Variants in ALG3 observed in about 807,000 individuals in gnomAD.
The protein encoded by ALG3 is ALG3 alpha-1,3- mannosyltransferase, also known as dol-P-Man:Man(5)GlcNAc(2)-PP-Dol alpha-1,3-mannosyltransferase.
In ALG3, 39 loss-of-function variants were observed where a neutral mutation model predicts 50.5. The observed-to-expected ratio is 0.77, with a 90% CI of 0.60 to 1.01. The LOEUF (loss-of-function observed/expected upper bound fraction) is 1.01. ALG3 is among the 50% of genes least tolerant of loss of function. ALG3 has a pLI of 0.00. For missense variants in ALG3, 520 were observed against 554.8 expected (o/e 0.94, Z 0.63); for synonymous variants, 252 against 237.2 (o/e 1.06, Z -0.58).
chr3:184,248,710 C>CCGA, intron 1 of ALG3, 35 bp downstream of exon 1: 2 of 1,396,672 alleles, frequency 1.4e-6, no homozygotes, highest in African/African-American at 1.4e-5. Flanking sequence ...TTCAGGTCTC[C>CCGA]CTCCCTCCCC....
chr3:184,243,992 A>G lies in ALG3; in HGVS notation c.731T>C (p.Val244Ala). 4.3e-6 allele frequency: 7 copies of G among 1,612,712 alleles called. No homozygotes were observed. The highest frequency in any genetic ancestry group is 5.1e-6 in the Non-Finnish European group (6 of 1,179,624). ...KLGICAGLQV[V>A]LGLPFLLENP... ...CTCCAGCAGGAAGGGCAGCCCCAGC[A>G]CCACCTGAGGATTGGTGTGATGTCA... is the stretch of plus-strand genomic sequence containing the variant. The change falls in exon 6 of 9, where the codon GTG becomes GCG. Residue 244 changes from valine (V) to alanine (A), a missense_variant. Transcript: ENST00000397676.
At chr3:184,244,095 T>A in intron 5 of ALG3, 99 bp from the exon 6 acceptor site, 1 of 1,211,858 alleles carries the variant, frequency 8.3e-7, no homozygotes, top group Non-Finnish European at 1.2e-6. Flanking sequence ...GATGTAGGCC[T>A]CAGAGGTTCC....
intron 5 of ALG3, 169 bp downstream of exon 5, chr3:184,244,432 C>A: frequency 1.2e-6 from 1 of 815,654 alleles, no homozygotes. Context: ...AAATTTAATA[C>A]CCTATTTTAC....
At position 184,242,539 on chromosome 3, in the gene ALG3, G is replaced by A. The variant is rs748255313; in HGVS notation, c.1292C>T (p.Thr431Ile). 3 of 1,611,514 alleles carry A rather than the reference G, an allele frequency of 1.9e-6. No homozygotes were observed. Among genetic ancestry groups the A allele is most frequent in the Admixed American group, 3.4e-5 (2 of 59,648 alleles). The part of the protein sequence containing the change: ...WLGPQPFPKS[T>I]QHSKKAH ...TCAGTGGGCTTTCTTGCTGTGTTGG[G>A]TGCTCTTGGGGAAAGGCTGCGGGCC... Residue 431 changes from threonine (T) to isoleucine (I), a missense_variant, in exon 9 of 9, where the codon ACC (threonine) becomes ATC (isoleucine). Coordinates refer to ENST00000397676, the MANE Select transcript of ALG3 (RefSeq NM_005787.6).
At chr3:184,244,993 G>T (rs112416454) in intron 4 of ALG3, 26 of 802,160 alleles carry the variant, frequency 3.2e-5, no homozygotes, top group African/African-American at 2.6e-4. Context: ...AATGCTGTCT[G>T]GGAGGAAGAC....
At chr3:184,243,017 A>T in intron 7 of ALG3, 60 bp from the exon 8 acceptor site, 25 of 1,593,822 alleles carry the variant, frequency 1.6e-5, no homozygotes, top group Non-Finnish European at 2.1e-5. Flanking sequence ...CCCAAAACAG[A>T]GGGGCAATAG....
intron 7 of ALG3, chr3:184,243,348 G>A (rs1718938504): frequency 5.0e-6 from 3 of 600,510 alleles, no homozygotes; most frequent in African/African-American, 1.9e-5. Context: ...CCAGGGAGAA[G>A]TACTCATAAG....
intron 7 of ALG3, 38 bp downstream of exon 7, chr3:184,243,516 A>G (rs1405356626): frequency 1.9e-6 from 3 of 1,601,472 alleles, no homozygotes; most frequent in Non-Finnish European, 2.6e-6. Flanking sequence ...CAGCACCTAG[A>G]GAGGGCAAGA....
At position 184,245,742 on chromosome 3, in the gene ALG3, G is replaced by C. The variant is rs1440774148; in HGVS notation, c.267C>G (p.Thr89=). ...GTGGTCCGGTGTCACCCTGCAGTTG[G>C]GTATAGTCATAGGTACCATTGATGA... The part of the protein sequence containing the change: ...EGVINGTYDY[T]QLQGDTGPLV... The change falls in exon 2 of 9, where the codon ACC becomes ACG. Residue 89 remains threonine, a synonymous_variant. Coordinates refer to ENST00000397676, the MANE Select transcript of ALG3 (RefSeq NM_005787.6). 6.2e-7 allele frequency: 1 copy of C among 1,613,572 alleles called. No homozygotes were observed. The highest frequency in any genetic ancestry group is 8.5e-7 in the Non-Finnish European group (1 of 1,179,716).
Position 184,244,629 on chromosome 3 carries a change from G to A in ALG3, c.698C>T (p.Pro233Leu). The A allele has an allele frequency of 1.9e-6, 3 of 1,610,802 alleles. No individual in the cohort carries two copies. Among genetic ancestry groups the A allele is most frequent in the African/African-American group, 1.3e-5 (1 of 74,912 alleles). Residue 233 changes from proline (P) to leucine (L), a missense_variant, in exon 5 of 9, where the codon CCC becomes CTC. Physicochemically the swap from Pro to Leu is moderately conservative, Grantham distance 98 (BLOSUM62 -3). This residue lies in a region of ALG3 where 224 missense variants were observed against 272.8 expected (regional missense o/e 0.82). Transcript: ENST00000397676. ...LTQFGFRGALPKLGICAGLQV... is the reference protein window; with the variant it reads ...LTQFGFRGALLKLGICAGLQV... Reference sequence around the variant, plus strand: ...AAGGCCAGCACAGATTCCCAGCTTGGGGAGGGCCCCACGGAAGCCAAACTG... The same window carrying A: ...AAGGCCAGCACAGATTCCCAGCTTGAGGAGGGCCCCACGGAAGCCAAACTG...
rs1719117803 is a variant in ALG3, at chr3:184,245,810, T to G, written c.199A>C (p.Thr67Pro). ...TFWVIHRVAYTEIDWKAYMAE... is the reference protein window; with the variant it reads ...TFWVIHRVAYPEIDWKAYMAE... ...ATGTAGGCCTTCCAGTCAATCTCTG[T>G]GTCTGGAAGAAGACAAGATGATCTG... is the stretch of plus-strand genomic sequence containing the variant. The change falls in exon 2 of 9, where the codon ACA becomes CCA. Residue 67 changes from threonine to proline, a missense_variant and splice_region_variant. By Grantham distance (38) the Thr-to-Pro change is conservative. Around this residue, in one of 3 missense-constraint regions of ALG3, gnomAD observed 290 missense variants for 265.9 expected, o/e 1.09. Transcript: ENST00000397676. 6.2e-7 allele frequency: 1 copy of G among 1,612,508 alleles called. No individual in the cohort carries two copies. The highest frequency in any genetic ancestry group is 1.7e-5 in the Admixed American group (1 of 59,918).
At chr3:184,245,079 G>C (rs150407255) in intron 4 of ALG3, 119 bp downstream of exon 4, 184 of 1,335,904 alleles carry the variant, frequency 1.4e-4, no homozygotes, top group Non-Finnish European at 1.7e-4. Flanking sequence ...GACTCGCTTT[G>C]TGGAGCCCTG....
At chr3:184,249,050 A>G, upstream of ALG3, 3 of 1,506,248 alleles carry the variant, frequency 2.0e-6, no homozygotes, top group Non-Finnish European at 9.0e-7. Context: ...CGCCGATCCG[A>G]GTAGCCAGTC....
intron 7 of ALG3, 170 bp from the exon 8 acceptor site, chr3:184,243,127 A>C (rs1225523455): frequency 1.1e-5 from 10 of 890,706 alleles, no homozygotes; most frequent in Middle Eastern, 3.5e-4. Flanking sequence ...CAAATATGGA[A>C]TATGGAGAGA....
At chr3:184,246,740 G>C (rs1354157898) in intron 1 of ALG3, among the ~76,000 whole-genome samples, 1 of 150,378 alleles carries the variant, frequency 6.6e-6, no homozygotes, top group Admixed American at 6.6e-5. Context: ...GCAGTGGTAC[G>C]ATCTCAGCTC....
Position 184,242,390 on chromosome 3 carries a change from G to A in ALG3, c.*124C>T, listed in dbSNP as rs574711371. 1.3e-5 allele frequency: 16 copies of A among 1,238,186 alleles called. No individual in the cohort carries two copies. The highest frequency in any genetic ancestry group is 6.0e-5 in the African/African-American group (4 of 66,942). The allele number at this position is 1,238,186 out of a possible 1,614,324, so 76.7% of individuals were successfully genotyped here. On this transcript the variant is annotated 3_prime_UTR_variant, in exon 9 of 9. Transcript: ENST00000397676. ...TCCCTCACAGCCTGGACCAGGCATCGGCTGCCCCCACCTCCATGTAGGTTG... is the reference window on the plus strand; with the variant it reads ...TCCCTCACAGCCTGGACCAGGCATCAGCTGCCCCCACCTCCATGTAGGTTG...
chr3:184,247,862 T>C (rs1436052990), intron 1 of ALG3, among the ~76,000 whole-genome samples: 2 of 151,902 alleles, frequency 1.3e-5, no homozygotes, highest in Non-Finnish European at 2.9e-5. Context: ...TTTTTTTTTT[T>C]TGAGACGGAG....
upstream of ALG3, chr3:184,249,274 A>G (rs574625673): frequency 1.2e-6 from 2 of 1,611,272 alleles, no homozygotes; most frequent in African/African-American, 1.3e-5. Flanking sequence ...TGCGCTGGGA[A>G]CATCTGTGTT....
intron 1 of ALG3, among the ~76,000 whole-genome samples, chr3:184,246,242 G>A (rs1709662): frequency 1.3e-5 from 2 of 152,050 alleles, no homozygotes; most frequent in South Asian, 4.1e-4. Flanking sequence ...GCCCCAATGA[G>A]TATACAATAG....
Sources: gnomAD v4.1 joint callset for allele counts (sites outside exome capture counted in the v4.1 genomes callset) on GRCh38, gnomAD v4.1.1 for gene constraint, gnomAD v4.1.1 regional missense constraint, MANE v1.5 for transcripts, NCBI Gene and HGNC (gene_info 2026-07-23, HGNC 2026-07-21) for gene names.